The following LRRK2 variants were observed in gnomAD, a reference collection of about 807,000 sequenced individuals.
LRRK2 encodes the protein leucine rich repeat kinase 2.
Under a neutral mutation model 302.6 loss-of-function variants are expected in LRRK2, and 203 were observed. The ratio of observed to expected loss-of-function variants is 0.67; its 90% CI spans 0.60 to 0.75. The LOEUF is 0.75. Ranked by LOEUF, LRRK2 falls within the 30% of genes least tolerant of loss-of-function variation. The probability of loss-of-function intolerance (pLI) is 0.00; values close to 1 mark genes in which losing one functional copy is unlikely to be tolerated. For missense variants in LRRK2, 2,830 were observed against 2,951.0 expected, an observed-to-expected ratio of 0.96 and a Z score of 0.95; for synonymous variants, 1,066 against 1,031.9, an observed-to-expected ratio of 1.03 and a Z score of -0.63.
intron 31 of LRRK2, 110 bp downstream of exon 31, chr12:40,310,759 C>G: frequency 9.5e-7 from 1 of 1,054,560 alleles, no homozygotes; most frequent in Non-Finnish European, 1.5e-6. Context: ...GTTTTCTTTC[C>G]TTGTTGCTGT....
At chr12:40,335,522 G>T (rs1426927211) in intron 40 of LRRK2, among the ~76,000 whole-genome samples, 3 of 152,106 alleles carry the variant, frequency 2.0e-5, no homozygotes, top group Admixed American at 1.3e-4. Flanking sequence ...TTCTCAAGGG[G>T]ACTAGAGTGA....
chr12:40,237,025 G>C (rs751308749), intron 4 of LRRK2, among the ~76,000 whole-genome samples: 1 of 152,074 alleles, frequency 6.6e-6, no homozygotes, highest in Non-Finnish European at 1.5e-5. Flanking sequence ...GATGCTGTTT[G>C]TGTTAAGTTT....
At chr12:40,360,275 A>C (rs1222118413) in intron 47 of LRRK2, among the ~76,000 whole-genome samples, 1 of 152,182 alleles carries the variant, frequency 6.6e-6, no homozygotes, top group African/African-American at 2.4e-5. Context: ...TAAGCTGTCA[A>C]TAAACATTAG....
intron 21 of LRRK2, among the ~76,000 whole-genome samples, chr12:40,294,117 C>CATCT (rs1050742977): frequency 3.5e-5 from 5 of 142,200 alleles, no homozygotes; most frequent in African/African-American, 5.2e-5. Flanking sequence ...ATTCATTGTT[C>CATCT]ATCTATCTAT....
At chr12:40,334,618 T>C (rs941433444) in intron 39 of LRRK2, among the ~76,000 whole-genome samples, 1 of 152,092 alleles carries the variant, frequency 6.6e-6, no homozygotes, top group Non-Finnish European at 1.5e-5. Flanking sequence ...AAGTGGATCA[T>C]TATAAAGGTC....
chr12:40,324,129 C>T (rs886493085), intron 38 of LRRK2, among the ~76,000 whole-genome samples: 2 of 152,042 alleles, frequency 1.3e-5, no homozygotes, highest in Admixed American at 6.6e-5. Flanking sequence ...TGTGTGGTTT[C>T]TCATGTCTCT....
rs201165146 is a variant in LRRK2 at position 40,294,880 on chromosome 12, A to T, written c.2844A>T (p.Arg948=). The stretch of plus-strand genomic sequence containing the variant: ...TTGATCATGAAGATTTACTGAAGCG[A>T]AAAAGAAAAATATTATCTTCAGATG... ...PIFDHEDLLK[R]KRKILSSDDS... Residue 948 remains arginine, a synonymous_variant, in exon 22 of 51, where the codon CGA becomes CGT. Coordinates refer to ENST00000298910, the MANE Select transcript of LRRK2 (RefSeq NM_198578.4). The T allele has an allele frequency of 6.5e-7, 1 of 1,550,346 alleles. No homozygotes were observed. The highest frequency in any genetic ancestry group is 2.3e-5 in the East Asian group (1 of 44,260).
intron 21 of LRRK2, among the ~76,000 whole-genome samples, chr12:40,294,259 CTCT>C: frequency 6.6e-6 from 1 of 151,090 alleles, no homozygotes; most frequent in Non-Finnish European, 1.5e-5. Flanking sequence ...TTATTTCAAC[CTCT>C]TGTCTGTTTT....
In LRRK2 at chr12:40,351,723, A is replaced by G. The variant is rs35658131; in HGVS notation, c.6566A>G (p.Tyr2189Cys). The G allele has an allele frequency of 2.8e-4, 452 of 1,614,190 alleles. No individual in the cohort carries two copies. Among genetic ancestry groups the G allele is most frequent in the Admixed American group, 1.8e-3 (111 of 60,022 alleles). Residue 2189 changes from tyrosine to cysteine, a missense_variant, in exon 44 of 51, where the codon TAC becomes TGC. By Grantham distance (194) the Tyr-to-Cys change is radical. Around this residue, in one of 3 missense-constraint regions of LRRK2, gnomAD observed 456 missense variants for 456.3 expected, o/e 1.00. Coordinates refer to ENST00000298910, the MANE Select transcript of LRRK2 (RefSeq NM_198578.4). Reference sequence around the variant, plus strand: ...TTTCTTGACTTAAATACTGAAGGATACACTTCTGAGGTAAATCCAAATGCT... The same window carrying G: ...TTTCTTGACTTAAATACTGAAGGATGCACTTCTGAGGTAAATCCAAATGCT... ...LSFLDLNTEG[Y>C]TSEEVADSRI... is the part of the protein sequence containing the mutation.
In LRRK2 at chr12:40,299,176, A is replaced by G; in HGVS notation, c.3415A>G (p.Asn1139Asp). 2 of 1,613,624 alleles carry G rather than the reference A, an allele frequency of 1.2e-6. No homozygotes were observed. Among genetic ancestry groups the G allele is most frequent in the Non-Finnish European group, 1.7e-6 (2 of 1,179,824 alleles). The change falls in exon 25 of 51, where the codon AAC becomes GAC. Residue 1139 changes from asparagine to aspartate, a missense_variant. This residue lies in a region of LRRK2 where 2,121 missense variants were observed against 2,148.0 expected (regional missense o/e 0.99). Coordinates refer to ENST00000298910, the MANE Select transcript of LRRK2 (RefSeq NM_198578.4). ...KELKILNLSK[N>D]HISSLSENFL... ...ACTGAAGATTTTAAACCTTAGTAAG[A>G]ACCACATTTCATCCCTATCAGAGAA... is the stretch of plus-strand genomic sequence containing the variant.
rs371589921 is a variant in LRRK2 at position 40,234,344 on chromosome 12, A to G, written c.348-1282A>G. On this transcript the variant is annotated intron_variant, in intron 3 of 50. Transcript: ENST00000298910. ...ATTAAAATCTTATCTTGAACTAACT[A>G]AACATTATTGATATGCTAAATTCAC... Among the ~76,000 whole-genome samples, 7 of 149,752 alleles carry G rather than the reference A, an allele frequency of 4.7e-5. No individual in the cohort carries two copies. The East Asian group carries it at 9.8e-4, about 21-fold the overall frequency.
chr12:40,332,059 C>G (rs968342575), intron 39 of LRRK2, among the ~76,000 whole-genome samples: 1 of 152,180 alleles, frequency 6.6e-6, no homozygotes, highest in African/African-American at 2.4e-5. Context: ...ATAGATGTCT[C>G]TCAGCCCCAG....
Position 40,251,342 on chromosome 12 carries a change from T to C in LRRK2, c.1069T>C (p.Leu357=), listed in dbSNP as rs1029802328. The C allele has an allele frequency of 1.2e-6, 2 of 1,614,032 alleles. No individual in the cohort carries two copies. The highest frequency in any genetic ancestry group is 1.7e-6 in the Non-Finnish European group (2 of 1,179,926). Reference sequence around the variant, plus strand: ...TTGGCTGGAAGCCTGTTACAAAGCATTAACGTGGCATAGAAAGAACAAGCA... The same window carrying C: ...TTGGCTGGAAGCCTGTTACAAAGCACTAACGTGGCATAGAAAGAACAAGCA... ...LFWLEACYKA[L]TWHRKNKHVQ... Residue 357 remains leucine (L), a synonymous_variant, in exon 9 of 51, where the codon TTA becomes CTA. Coordinates refer to ENST00000298910, the MANE Select transcript of LRRK2 (RefSeq NM_198578.4).
chr12:40,291,807 G>T (rs1420886339), intron 20 of LRRK2, among the ~76,000 whole-genome samples: 11 of 152,028 alleles, frequency 7.2e-5, no homozygotes, highest in Admixed American at 7.2e-4. Flanking sequence ...AAATATTGAA[G>T]TTGTAATTGA....
intron 3 of LRRK2, 104 bp downstream of exon 3, chr12:40,232,487 G>T: frequency 1.2e-6 from 1 of 817,720 alleles, no homozygotes; most frequent in Non-Finnish European, 2.1e-6. Context: ...CTACTCCTGT[G>T]GAATTCTTTA....
In LRRK2 at chr12:40,295,765, C is replaced by T. The variant is rs1186506482; in HGVS notation, c.3096+121C>T. 3.3e-6 allele frequency: 3 copies of T among 907,294 alleles called. No individual in the cohort carries two copies. The Admixed American group carries it at 6.9e-5, about 21-fold the overall frequency. 56.2% of individuals were successfully genotyped at this position (907,294 alleles called of 1,614,324 possible). ...ACTTTTGTGTCACTGGGTGATAAGT[C>T]CCCCGTGCCTCTGGTTTTTGCACAC... is the stretch of plus-strand genomic sequence containing the variant. On this transcript the variant is annotated intron_variant, in intron 23 of 50. Coordinates refer to ENST00000298910, the MANE Select transcript of LRRK2 (RefSeq NM_198578.4).
chr12:40,353,065 C>A (rs11176160), intron 44 of LRRK2, among the ~76,000 whole-genome samples: 2 of 148,564 alleles, frequency 1.3e-5, no homozygotes, highest in Non-Finnish European at 3.0e-5. Context: ...ACCTCCCAGA[C>A]GGGGCGGCGG....
At chr12:40,341,384 T>TTAGATAAGCAAATGGCCCCAGATAAGCCA (rs1946039608) in intron 41 of LRRK2, among the ~76,000 whole-genome samples, 1 of 152,192 alleles carries the variant, frequency 6.6e-6, no homozygotes, top group Admixed American at 6.5e-5. Flanking sequence ...ACTTTTGTAC[T>TTAGATAAGCAAATGGCCCCAGATAAGCCA]TAGATAAGCA....
rs35507033 is a variant in LRRK2 at position 40,313,976 on chromosome 12, G to A, written c.4541G>A (p.Arg1514Gln). The A allele has an allele frequency of 6.9e-3, 11,182 of 1,609,956 alleles. 60 individuals are homozygous for A. Among genetic ancestry groups the A allele is most frequent in the Non-Finnish European group, 8.6e-3 (10,151 of 1,178,028 alleles). The change falls in exon 32 of 51, where the codon CGA becomes CAA. Residue 1514 changes from arginine (R) to glutamine (Q), a missense_variant. Transcript: ENST00000298910. ...IINESLNFKI[R>Q]DQLVVGQLIP... is the part of the protein sequence containing the mutation. ...TTGTCATTTGTAATTTCATAGATCC[G>A]AGATCAGCTTGTTGTTGGACAGCTG...
Sources: allele counts gnomAD v4.1 joint callset (sites outside exome capture counted in the v4.1 genomes callset), GRCh38; gene constraint gnomAD v4.1.1; regional missense constraint gnomAD v4.1.1; transcripts MANE v1.5; gene names NCBI Gene and HGNC (gene_info 2026-07-23, HGNC 2026-07-21).